ZFHX3: variants seen among roughly 807,000 people sequenced by gnomAD.
ZFHX3 encodes the protein zinc finger homeobox 3, also known as zinc finger homeobox protein 3.
A neutral mutation model predicts 279.1 loss-of-function variants in ZFHX3; 42 were observed. That is an observed-to-expected ratio of 0.15 (90% CI 0.12 to 0.19). The LOEUF (loss-of-function observed/expected upper bound fraction) is 0.19. ZFHX3 is among the 10% of genes least tolerant of loss of function. The pLI is 1.00. For synonymous variants in ZFHX3, 2,293 were observed against 1,957.8 expected (o/e 1.17, Z -4.52); for missense variants, 4,981 against 4,754.0 (o/e 1.05, Z -1.40).
At chr16:72,802,205 G>A (rs754019621) in intron 7 of ZFHX3, among the ~76,000 whole-genome samples, 8 of 151,672 alleles carry the variant, frequency 5.3e-5, no homozygotes, top group Admixed American at 3.3e-4. Flanking sequence ...AGATGGCTAT[G>A]AATAATAATG....
chr16:73,841,248 A>G (rs1961298768), intron 1 of ZFHX3, among the ~76,000 whole-genome samples: 1 of 151,906 alleles, frequency 6.6e-6, no homozygotes, highest in African/African-American at 2.4e-5. Flanking sequence ...AGCTTTCCAC[A>G]TCTCCTTCAG....
intron 1 of ZFHX3, among the ~76,000 whole-genome samples, chr16:73,756,555 C>A (rs930818508): frequency 1.3e-5 from 2 of 152,138 alleles, no homozygotes; most frequent in African/African-American, 4.8e-5. Flanking sequence ...CCGCCCTTCA[C>A]TGGGGAGGGA....
chr16:73,797,494 C>G (rs1194785091), intron 1 of ZFHX3, among the ~76,000 whole-genome samples: 1 of 152,288 alleles, frequency 6.6e-6, no homozygotes, highest in Non-Finnish European at 1.5e-5. Flanking sequence ...ATGCAAAAAG[C>G]CAGTTCCGCA....
intron 2 of ZFHX3, among the ~76,000 whole-genome samples, chr16:73,598,258 T>C (rs1013961584): frequency 6.6e-6 from 1 of 152,130 alleles, no homozygotes; most frequent in African/African-American, 2.4e-5. Flanking sequence ...TTCTCTGTTG[T>C]TTTCTCTCCA....
intron 4 of ZFHX3, among the ~76,000 whole-genome samples, chr16:73,296,780 C>A (rs1411820082): frequency 1.3e-5 from 2 of 151,240 alleles, no homozygotes; most frequent in Non-Finnish European, 2.9e-5. Flanking sequence ...TAAACAATAA[C>A]AAAGTGACAA....
At chr16:73,020,664 G>A (rs981244155) in intron 1 of ZFHX3, among the ~76,000 whole-genome samples, 1 of 152,186 alleles carries the variant, frequency 6.6e-6, no homozygotes, top group African/African-American at 2.4e-5. Context: ...GACCTCCAAT[G>A]TTGAGTTTGA....
intron 5 of ZFHX3, among the ~76,000 whole-genome samples, chr16:73,155,632 G>T (rs1263178402): frequency 6.6e-6 from 1 of 152,128 alleles, no homozygotes; most frequent in Non-Finnish European, 1.5e-5. Flanking sequence ...AGACCAGCCT[G>T]GCCAATGTGG....
At chr16:73,478,027 C>G (rs2018793247) in intron 2 of ZFHX3, among the ~76,000 whole-genome samples, 1 of 152,138 alleles carries the variant, frequency 6.6e-6, no homozygotes, top group Non-Finnish European at 1.5e-5. Context: ...AATCCCAGCA[C>G]TTTGGGAGGC....
chr16:72,838,935 C>T (rs991390063), intron 4 of ZFHX3, among the ~76,000 whole-genome samples: 4 of 151,614 alleles, frequency 2.6e-5, no homozygotes, highest in South Asian at 2.1e-4. Flanking sequence ...GGTGTGAGTT[C>T]CAGTTTGTAA....
chr16:72,968,747 G>A (rs1170691272), intron 1 of ZFHX3, among the ~76,000 whole-genome samples: 1 of 152,150 alleles, frequency 6.6e-6, no homozygotes, highest in African/African-American at 2.4e-5. Context: ...ACAGGCATGA[G>A]CCACTGTGCC....
chr16:73,104,735 C>T (rs1361204831), intron 7 of ZFHX3, among the ~76,000 whole-genome samples: 2 of 152,192 alleles, frequency 1.3e-5, no homozygotes, highest in African/African-American at 4.8e-5. Flanking sequence ...TAGGCCTGAT[C>T]CTGTATCCTC....
At position 73,741,027 on chromosome 16, in the gene ZFHX3, C is replaced by G. The variant is rs940679119; in HGVS notation, c.-1607-60787G>C. ...GGTTACCTGAATCAGCAAAAATGGG[C>G]CTTTTTTTTTTTTTTTTTTTTTGAG... On this transcript the variant is annotated intron_variant, in intron 1 of 17. Coordinates refer to the ZFHX3 transcript ENST00000641206. Among the ~76,000 whole-genome samples, 3 of 122,044 alleles carry G rather than the reference C, an allele frequency of 2.5e-5. No individual in the cohort carries two copies. The South Asian group carries it at 8.4e-4, about 34-fold the overall frequency. The allele number at this position is 122,044 out of a possible 152,430, so 80.1% of individuals were successfully genotyped here.
At position 73,634,480 on chromosome 16, in the gene ZFHX3, T is replaced by C. The variant is rs926007237; in HGVS notation, c.-1547+45700A>G. 5.0e-4 allele frequency among the ~76,000 whole-genome samples: 72 copies of C among 144,090 alleles called. 1 individual carries two copies. Among genetic ancestry groups the C allele is most frequent in the African/African-American group, 1.9e-3 (70 of 36,776 alleles). 94.5% of individuals were successfully genotyped at this position (144,090 alleles called of 152,430 possible). On this transcript the variant is annotated intron_variant, in intron 2 of 17. Transcript: ENST00000641206. ...TATATATAAAATATATATGTAAAAG[T>C]CATAACCCCATTAACACTCATTGTT...
chr16:73,465,887 G>A (rs1399244154), intron 2 of ZFHX3, among the ~76,000 whole-genome samples: 1 of 152,108 alleles, frequency 6.6e-6, no homozygotes, highest in Non-Finnish European at 1.5e-5. Context: ...AGTCTAGGAG[G>A]CCGTGACAGT....
intron 2 of ZFHX3, among the ~76,000 whole-genome samples, chr16:73,483,597 G>A (rs1381142486): frequency 6.6e-6 from 1 of 151,926 alleles, no homozygotes; most frequent in East Asian, 1.9e-4. Flanking sequence ...TGGAAGACGA[G>A]AACAAGAAAA....
At chr16:72,888,649 G>A (rs1459456240) in intron 4 of ZFHX3, among the ~76,000 whole-genome samples, 1 of 152,226 alleles carries the variant, frequency 6.6e-6, no homozygotes, top group Non-Finnish European at 1.5e-5. Flanking sequence ...GAAGCCAAGG[G>A]AAGGCAAGGG....
chr16:73,450,018 A>T (rs2018256528), intron 3 of ZFHX3, among the ~76,000 whole-genome samples: 1 of 152,206 alleles, frequency 6.6e-6, no homozygotes, highest in South Asian at 2.1e-4. Flanking sequence ...CCTATTTTAA[A>T]ATATTTAAAT....
intron 1 of ZFHX3, among the ~76,000 whole-genome samples, chr16:73,014,728 T>C (rs891995193): frequency 2.0e-5 from 3 of 151,804 alleles, no homozygotes; most frequent in Admixed American, 2.0e-4. Context: ...GGTTTCACCA[T>C]GTCTTGATCT....
At chr16:73,478,531 G>T (rs1412589619) in intron 2 of ZFHX3, among the ~76,000 whole-genome samples, 9 of 152,208 alleles carry the variant, frequency 5.9e-5, no homozygotes, top group Admixed American at 5.9e-4. Flanking sequence ...GGGCAAACTG[G>T]GACCTCTTGG....
Sources: gnomAD v4.1 joint callset for allele counts (sites outside exome capture counted in the v4.1 genomes callset) on GRCh38, gnomAD v4.1.1 for gene constraint, MANE v1.5 for transcripts, NCBI Gene and HGNC (gene_info 2026-07-23, HGNC 2026-07-21) for gene names.